The following CNTN5 variants were observed in gnomAD, a reference collection of about 807,000 sequenced individuals.
The protein encoded by CNTN5 is contactin-5.
CNTN5 carries 77 observed loss-of-function variants against 129.1 expected under a neutral mutation model. The observed-to-expected ratio is 0.60, with a 90% CI of 0.50 to 0.72. The LOEUF (loss-of-function observed/expected upper bound fraction) is 0.72, where lower values mean the gene tolerates loss of function less well. Ranked by LOEUF, CNTN5 falls within the 30% of genes least tolerant of loss-of-function variation. CNTN5 has a pLI of 0.00. For synonymous variants in CNTN5, 509 were observed against 465.6 expected (o/e 1.09, Z -1.20); for missense variants, 1,478 against 1,328.8 (o/e 1.11, Z -1.75).
rs57501177 is a variant in CNTN5, at chr11:99,438,828, T to C, written c.-71+113344T>C. Among the ~76,000 whole-genome samples the C allele has an allele frequency of 3.8e-3, 572 of 152,268 alleles. 4 individuals carry two copies. The highest frequency in any genetic ancestry group is 0.013 in the African/African-American group (544 of 41,550). ...ACCTCTGGCACTGTTTTCCAGCAAA[T>C]CAACTTTACACATTAAATGGCCTGC... is the stretch of plus-strand genomic sequence containing the variant. On this transcript the variant is annotated intron_variant, in intron 2 of 24. Coordinates refer to ENST00000524871, the MANE Select transcript of CNTN5 (RefSeq NM_014361.4).
intron 1 of CNTN5, among the ~76,000 whole-genome samples, chr11:99,175,135 G>A (rs901073228): frequency 6.6e-6 from 1 of 152,036 alleles, no homozygotes; most frequent in Admixed American, 6.6e-5. Flanking sequence ...TTGGGAAGCT[G>A]AGGCAGAAGG....
chr11:100,082,539 A>G (rs1347397081), intron 13 of CNTN5, among the ~76,000 whole-genome samples: 1 of 152,100 alleles, frequency 6.6e-6, no homozygotes, highest in Non-Finnish European at 1.5e-5. Flanking sequence ...CACTCCTCCC[A>G]GCTTGACCTC....
intron 21 of CNTN5, among the ~76,000 whole-genome samples, chr11:100,309,859 G>A (rs186216769): frequency 2.6e-5 from 4 of 151,844 alleles, no homozygotes; most frequent in Admixed American, 2.6e-4. Flanking sequence ...ATAGATAATT[G>A]CCCTCCACTG....
intron 6 of CNTN5, among the ~76,000 whole-genome samples, chr11:99,892,684 A>G (rs1949095012): frequency 6.6e-6 from 1 of 152,050 alleles, no homozygotes; most frequent in Non-Finnish European, 1.5e-5. Context: ...CCATTGGTCT[A>G]TATATCTGTG....
intron 2 of CNTN5, among the ~76,000 whole-genome samples, chr11:99,408,732 A>G (rs1942252245): frequency 6.6e-6 from 1 of 152,216 alleles, no homozygotes; most frequent in Non-Finnish European, 1.5e-5. Context: ...CTCCAAAAAA[A>G]TAAAAATCTG....
intron 1 of CNTN5, among the ~76,000 whole-genome samples, chr11:99,262,127 A>G (rs1862659590): frequency 1.3e-5 from 2 of 152,026 alleles, no homozygotes; most frequent in Non-Finnish European, 2.9e-5. Context: ...AAACTGTGAC[A>G]TTTGAAAGCC....
rs1157572085 is a variant in CNTN5 at position 99,651,236 on chromosome 11, A to G, written c.55+94967A>G. Among the ~76,000 whole-genome samples, 4 of 144,434 alleles carry G rather than the reference A, an allele frequency of 2.8e-5. No homozygotes were observed. The East Asian group carries it at 8.2e-4, about 30-fold the overall frequency. The allele number at this position is 144,434 out of a possible 152,430, so 94.8% of individuals were successfully genotyped here. Reference sequence around the variant, plus strand: ...TGTTAAAACAGAAATCCCACAAACAATCATCAAAAATTTAGTAAAATTGAT... The same window carrying G: ...TGTTAAAACAGAAATCCCACAAACAGTCATCAAAAATTTAGTAAAATTGAT... On this transcript the variant is annotated intron_variant, in intron 3 of 24. Coordinates refer to ENST00000524871, the MANE Select transcript of CNTN5 (RefSeq NM_014361.4).
intron 3 of CNTN5, among the ~76,000 whole-genome samples, chr11:99,623,516 G>T (rs1951024374): frequency 6.6e-6 from 1 of 151,972 alleles, no homozygotes; most frequent in Non-Finnish European, 1.5e-5. Context: ...GAAAATTGCT[G>T]ATTACATTAG....
At chr11:99,529,695 G>A (rs913909464) in intron 2 of CNTN5, among the ~76,000 whole-genome samples, 6 of 151,996 alleles carry the variant, frequency 3.9e-5, no homozygotes, top group African/African-American at 1.4e-4. Context: ...AAAATGAAAT[G>A]CAAGAACTCA....
intron 3 of CNTN5, among the ~76,000 whole-genome samples, chr11:99,783,810 G>A (rs901661316): frequency 2.6e-5 from 4 of 151,368 alleles, no homozygotes; most frequent in Non-Finnish European, 5.9e-5. Flanking sequence ...TCACACTCTG[G>A]GGACTGTTGT....
chr11:100,137,244 T>A (rs1591301926), intron 13 of CNTN5, among the ~76,000 whole-genome samples: 1 of 152,118 alleles, frequency 6.6e-6, no homozygotes, highest in South Asian at 2.1e-4. Flanking sequence ...AATTTTAATA[T>A]TCAGGCTGTT....
rs114304300 is a variant in CNTN5 at position 99,656,086 on chromosome 11, T to C, written c.55+99817T>C. On this transcript the variant is annotated intron_variant, in intron 3 of 24. Coordinates refer to ENST00000524871, the MANE Select transcript of CNTN5 (RefSeq NM_014361.4). ...TGTACATATGTGTAAGTGTGTGTGT[T>C]ATTGTGGAGCCTCTGAAGAGCTAAA... 2.2e-3 allele frequency among the ~76,000 whole-genome samples: 338 copies of C among 152,108 alleles called. 1 individual carries two copies. The highest frequency in any genetic ancestry group is 7.4e-3 in the African/African-American group (308 of 41,532).
chr11:99,680,938 A>G (rs182872263), intron 3 of CNTN5, among the ~76,000 whole-genome samples: 3 of 151,998 alleles, frequency 2.0e-5, no homozygotes, highest in African/African-American at 7.2e-5. Context: ...AGATTCATGG[A>G]AGGAGGTCAA....
At chr11:99,149,084 T>G (rs1859924597) in intron 1 of CNTN5, among the ~76,000 whole-genome samples, 1 of 152,154 alleles carries the variant, frequency 6.6e-6, no homozygotes. Context: ...TTAGAGGTAT[T>G]GTCAGGATTT....
intron 3 of CNTN5, among the ~76,000 whole-genome samples, chr11:99,592,741 A>T (rs1950016869): frequency 6.6e-6 from 1 of 152,198 alleles, no homozygotes; most frequent in South Asian, 2.1e-4. Context: ...TTTTCTTTGT[A>T]AATTTGAAGT....
At chr11:99,606,945 A>G (rs1950438721) in intron 3 of CNTN5, among the ~76,000 whole-genome samples, 1 of 126,464 alleles carries the variant, frequency 7.9e-6, no homozygotes, top group African/African-American at 2.9e-5. Context: ...ACAAAAATCA[A>G]TTCAAGATGG....
intron 3 of CNTN5, among the ~76,000 whole-genome samples, chr11:99,580,085 A>C (rs1949519100): frequency 6.6e-6 from 1 of 152,142 alleles, no homozygotes; most frequent in Non-Finnish European, 1.5e-5. Flanking sequence ...CTATTGAGAT[A>C]ATCATGTGGT....
intron 1 of CNTN5, among the ~76,000 whole-genome samples, chr11:99,316,854 A>G (rs1332812203): frequency 6.6e-6 from 1 of 152,158 alleles, no homozygotes; most frequent in African/African-American, 2.4e-5. Flanking sequence ...GTGTATAAAG[A>G]AATGATCGCG....
chr11:99,473,743 T>C (rs1324075283), intron 2 of CNTN5, among the ~76,000 whole-genome samples: 14 of 152,056 alleles, frequency 9.2e-5, no homozygotes. Context: ...AATTCACAGA[T>C]AGTTTCTTAG....
Sources: allele counts gnomAD v4.1 joint callset (sites outside exome capture counted in the v4.1 genomes callset), GRCh38; gene constraint gnomAD v4.1.1; transcripts MANE v1.5; gene names NCBI Gene and HGNC (gene_info 2026-07-23, HGNC 2026-07-21).